Variants in PKNOX2 observed in about 807,000 individuals in gnomAD.
The protein encoded by PKNOX2 is homeobox protein PKNOX2.
In PKNOX2, 14 loss-of-function variants were observed where a neutral mutation model predicts 53.1. That is an observed-to-expected ratio of 0.26 (90% CI 0.17 to 0.41). The LOEUF (loss-of-function observed/expected upper bound fraction) is 0.41. Among genes scored for constraint, PKNOX2 ranks in the 10% least tolerant of loss-of-function variants. PKNOX2 has a pLI of 1.00. For missense variants in PKNOX2, 496 were observed against 602.8 expected (o/e 0.82, Z 1.85); for synonymous variants, 257 against 242.8 (o/e 1.06, Z -0.54).
intron 6 of PKNOX2, among the ~76,000 whole-genome samples, chr11:125,393,814 C>T (rs1354272658): frequency 1.3e-5 from 2 of 151,784 alleles, no homozygotes; most frequent in Non-Finnish European, 2.9e-5. Context: ...TTCCTAGAAC[C>T]CCGTACTTGC....
At chr11:125,245,799 T>A (rs542422025) in intron 2 of PKNOX2, among the ~76,000 whole-genome samples, 1 of 152,300 alleles carries the variant, frequency 6.6e-6, no homozygotes, top group South Asian at 2.1e-4. Flanking sequence ...TTACTGAGTT[T>A]CTCAGTACTG....
At chr11:125,204,759 C>T (rs1207613792) in intron 1 of PKNOX2, among the ~76,000 whole-genome samples, 3 of 152,162 alleles carry the variant, frequency 2.0e-5, no homozygotes, top group Non-Finnish European at 4.4e-5. Flanking sequence ...CTGCTGACTC[C>T]TTTTCTCCCG....
At chr11:125,328,066 T>C (rs1299210884) in intron 2 of PKNOX2, among the ~76,000 whole-genome samples, 1 of 152,096 alleles carries the variant, frequency 6.6e-6, no homozygotes, top group Non-Finnish European at 1.5e-5. Context: ...AACACATGGC[T>C]ATGGCAGGAT....
At chr11:125,252,377 T>C (rs776097083) in intron 2 of PKNOX2, among the ~76,000 whole-genome samples, 21 of 152,022 alleles carry the variant, frequency 1.4e-4, no homozygotes, top group Admixed American at 6.6e-4. Flanking sequence ...GCCAGATCTG[T>C]GTTTTGGAAA....
intron 1 of PKNOX2, among the ~76,000 whole-genome samples, chr11:125,225,711 T>C (rs1331690568): frequency 6.6e-6 from 1 of 152,226 alleles, no homozygotes; most frequent in Non-Finnish European, 1.5e-5. Context: ...CCTCTGCCTG[T>C]GCTGTTTTCC....
intron 2 of PKNOX2, among the ~76,000 whole-genome samples, chr11:125,323,144 C>A (rs1949624477): frequency 6.6e-6 from 1 of 151,754 alleles, no homozygotes; most frequent in Non-Finnish European, 1.5e-5. Context: ...TATCTTGGCT[C>A]CCAGTGCGTT....
At chr11:125,314,244 G>A (rs1949007276) in intron 2 of PKNOX2, among the ~76,000 whole-genome samples, 1 of 152,078 alleles carries the variant, frequency 6.6e-6, no homozygotes, top group South Asian at 2.1e-4. Flanking sequence ...AGGCACCTGG[G>A]GGATTTCAGT....
chr11:125,424,527 G>GCT (rs1956316850), intron 10 of PKNOX2, among the ~76,000 whole-genome samples: 1 of 152,078 alleles, frequency 6.6e-6, no homozygotes, highest in Non-Finnish European at 1.5e-5. Context: ...AGCAGCCCAT[G>GCT]GCCCCACAGC....
chr11:125,182,954 A>C (rs928252366), intron 1 of PKNOX2, among the ~76,000 whole-genome samples: 1 of 152,146 alleles, frequency 6.6e-6, no homozygotes, highest in Non-Finnish European at 1.5e-5. Flanking sequence ...AGGAAGGCTC[A>C]TTACTGTTTG....
rs1023855173 is a variant in PKNOX2, at chr11:125,263,805, G to T, written c.-130+28690G>T. ...CCACCACCCGTCCACAGACTGGCCA[G>T]CTTGGCCCAGTTGGAAGAAGTGTCA... is the stretch of plus-strand genomic sequence containing the variant. On this transcript the variant is annotated intron_variant, in intron 2 of 12. Coordinates refer to ENST00000298282, the MANE Select transcript of PKNOX2 (RefSeq NM_001382323.2). Among the ~76,000 whole-genome samples the T allele has an allele frequency of 2.0e-5, 3 of 152,240 alleles. No homozygotes were observed. The South Asian group carries it at 6.2e-4, about 31-fold the overall frequency.
At chr11:125,312,024 T>A (rs1948836838) in intron 2 of PKNOX2, among the ~76,000 whole-genome samples, 1 of 152,146 alleles carries the variant, frequency 6.6e-6, no homozygotes, top group Non-Finnish European at 1.5e-5. Flanking sequence ...AAAAAAAGTC[T>A]GAATTTGGAC....
intron 1 of PKNOX2, among the ~76,000 whole-genome samples, chr11:125,198,000 A>G (rs766582649): frequency 2.0e-5 from 3 of 152,222 alleles, no homozygotes; most frequent in African/African-American, 4.8e-5. Context: ...AATGCAGGGA[A>G]GCAGCTGGGC....
At chr11:125,385,102 C>T (rs1163648224) in intron 5 of PKNOX2, among the ~76,000 whole-genome samples, 2 of 152,164 alleles carry the variant, frequency 1.3e-5, no homozygotes, top group Admixed American at 1.3e-4. Flanking sequence ...TGTTTGTGCA[C>T]ATCTGCCACC....
At chr11:125,349,849 A>ACACG (rs1951203691) in intron 3 of PKNOX2, among the ~76,000 whole-genome samples, 1 of 140,102 alleles carries the variant, frequency 7.1e-6, no homozygotes, top group South Asian at 2.1e-4. Context: ...ACACACACAC[A>ACACG]CACACACACA....
chr11:125,172,723 G>A (rs1955420711), intron 1 of PKNOX2, among the ~76,000 whole-genome samples: 1 of 152,092 alleles, frequency 6.6e-6, no homozygotes, highest in African/African-American at 2.4e-5. Flanking sequence ...TGGCTTTGTG[G>A]CTAGGCAATC....
At chr11:125,398,139 C>T (rs1954523970) in intron 7 of PKNOX2, 77 bp downstream of exon 7, 4 of 1,441,832 alleles carry the variant, frequency 2.8e-6, no homozygotes, top group African/African-American at 1.4e-5. Flanking sequence ...GGAGGAAGGT[C>T]CCCTGGTGAC....
intron 2 of PKNOX2, among the ~76,000 whole-genome samples, chr11:125,286,108 C>T (rs751139791): frequency 6.6e-6 from 1 of 152,122 alleles, no homozygotes; most frequent in Non-Finnish European, 1.5e-5. Flanking sequence ...GGCCCCAGCT[C>T]AGGGTGGAAC....
rs926215128 is a variant in PKNOX2, at chr11:125,428,895, T to C, written c.937-117T>C. 5 of 1,095,718 alleles carry C rather than the reference T, an allele frequency of 4.6e-6. No individual in the cohort carries two copies. The African/African-American group carries it at 6.3e-5, about 14-fold the overall frequency. 67.9% of individuals were successfully genotyped at this position (1,095,718 alleles called of 1,614,324 possible). A position where few individuals can be genotyped will look rare whatever the true frequency, so the allele number is the denominator to read the frequency against. Reference sequence around the variant, plus strand: ...AAACATGACACTTCCCCAATTTTGGTTCCCAAACCACTCGGGCTGCCTGGC... The same window carrying C: ...AAACATGACACTTCCCCAATTTTGGCTCCCAAACCACTCGGGCTGCCTGGC... On this transcript the variant is annotated intron_variant, in intron 10 of 12. Transcript: ENST00000298282.
intron 2 of PKNOX2, among the ~76,000 whole-genome samples, chr11:125,288,421 C>A (rs1189938620): frequency 1.3e-5 from 2 of 152,198 alleles, no homozygotes; most frequent in Non-Finnish European, 2.9e-5. Flanking sequence ...AACTCTTCTC[C>A]ATCACAAACA....
Sources: gnomAD v4.1 joint callset for allele counts (sites outside exome capture counted in the v4.1 genomes callset) on GRCh38, gnomAD v4.1.1 for gene constraint, MANE v1.5 for transcripts, NCBI Gene and HGNC (gene_info 2026-07-23, HGNC 2026-07-21) for gene names.